The following DMD variants were observed in gnomAD, a reference collection of about 807,000 sequenced individuals.
DMD encodes mutant dystrophin.
DMD carries 63 observed loss-of-function variants against 330.1 expected under a neutral mutation model. That is an observed-to-expected ratio of 0.19 (90% CI 0.16 to 0.24). The LOEUF (loss-of-function observed/expected upper bound fraction) is 0.24, where lower values mean the gene tolerates loss of function less well. Among genes scored for constraint, DMD ranks in the 10% least tolerant of loss-of-function variants. The pLI is 1.00. For synonymous variants in DMD, 1,223 were observed against 959.8 expected (o/e 1.27, Z -5.07); for missense variants, 3,344 against 2,684.1 (o/e 1.25, Z -5.43).
intron 44 of DMD, among the ~76,000 whole-genome samples, chrX:32,062,624 G>A (rs1305313758): frequency 9.0e-6 from 1 of 110,967 alleles, no homozygotes; most frequent in African/African-American, 3.3e-5. Flanking sequence ...TGTTACTTTT[G>A]TATATCGGGA....
intron 3 of DMD, among the ~76,000 whole-genome samples, chrX:32,847,029 A>G (rs1181746880): frequency 9.0e-6 from 1 of 111,291 alleles, no homozygotes; most frequent in Non-Finnish European, 1.9e-5. Flanking sequence ...TACATGAAAG[A>G]AAAACAGCAA....
chrX:32,998,227 C>T (rs1278930232), intron 2 of DMD, among the ~76,000 whole-genome samples: 1 of 107,818 alleles, frequency 9.3e-6, no homozygotes, highest in Non-Finnish European at 1.9e-5. Context: ...TAAATTAGCC[C>T]GGCATGGTGG....
At chrX:33,035,891 G>C (rs1433331706) in intron 1 of DMD, among the ~76,000 whole-genome samples, 1 of 111,730 alleles carries the variant, frequency 9.0e-6, no homozygotes, top group East Asian at 2.8e-4. Context: ...ACCAGTAACC[G>C]CTAAAAGAGG....
chrX:31,600,857 G>A (rs960194631), intron 55 of DMD, among the ~76,000 whole-genome samples: 2 of 105,843 alleles, frequency 1.9e-5, no homozygotes, highest in Admixed American at 1.0e-4. Context: ...CCCCAACAAC[G>A]GCTTCAGGTC....
At chrX:31,182,515 G>C (rs1343099865) in intron 68 of DMD, among the ~76,000 whole-genome samples, 1 of 111,405 alleles carries the variant, frequency 9.0e-6, no homozygotes, top group Non-Finnish European at 1.9e-5. Context: ...GAGCTGAAGA[G>C]TGAAGGTGGT....
chrX:32,003,120 T>A (rs981269598), intron 44 of DMD, among the ~76,000 whole-genome samples: 3 of 111,112 alleles, frequency 2.7e-5, no homozygotes, highest in African/African-American at 6.5e-5. Flanking sequence ...CCCCAAGAGG[T>A]TCTTGATTTA....
rs898232370 is a variant in DMD, at chrX:32,389,903, T to G, written c.4344+168A>C. ...AAATAAAAGGTAATTTATTAACCTA[T>G]TTTATCTTTAAAATGTAGAGAGCAA... On this transcript the variant is annotated intron_variant, in intron 31 of 78. Transcript: ENST00000357033. Among the ~76,000 whole-genome samples the G allele has an allele frequency of 2.7e-5, 3 of 112,182 alleles. No individual in the cohort carries two copies. In the Admixed American group the frequency reaches 2.8e-4, roughly 11 times the overall value.
chrX:32,737,904 A>G (rs1298244042), intron 7 of DMD, among the ~76,000 whole-genome samples: 1 of 112,156 alleles, frequency 8.9e-6, no homozygotes, highest in Non-Finnish European at 1.9e-5. Flanking sequence ...TAAACTTATA[A>G]CTGACAAAAA....
intron 30 of DMD, among the ~76,000 whole-genome samples, chrX:32,402,243 G>C (rs1227650664): frequency 1.8e-5 from 2 of 111,130 alleles, no homozygotes; most frequent in Non-Finnish European, 3.8e-5. Flanking sequence ...CAAAATAATG[G>C]AGTGAAAAAG....
intron 19 of DMD, 88 bp downstream of exon 19, chrX:32,501,667 C>T (rs2044065970): frequency 1.5e-6 from 1 of 667,697 alleles, no homozygotes. Flanking sequence ...TTAACAAGTG[C>T]TTGTCTGATA....
chrX:32,813,624 A>G (rs1043404204), intron 6 of DMD, among the ~76,000 whole-genome samples: 32 of 111,756 alleles, frequency 2.9e-4, no homozygotes, highest in African/African-American at 1.0e-3. Flanking sequence ...ATATAAGAAG[A>G]GTGATGTATT....
intron 42 of DMD, among the ~76,000 whole-genome samples, chrX:32,294,423 G>A (rs1339030496): frequency 3.6e-5 from 4 of 111,778 alleles, no homozygotes; most frequent in African/African-American, 1.3e-4. Context: ...GTATGCGTGT[G>A]TTTGTGCGTA....
At chrX:31,177,207 T>C (rs1279489359) in intron 71 of DMD, among the ~76,000 whole-genome samples, 1 of 111,556 alleles carries the variant, frequency 9.0e-6, no homozygotes, top group African/African-American at 3.2e-5. Flanking sequence ...TTATAAACTC[T>C]GAGATAAATC....
At chrX:32,289,432 G>A (rs769325956) in intron 42 of DMD, among the ~76,000 whole-genome samples, 2 of 110,808 alleles carry the variant, frequency 1.8e-5, no homozygotes, top group East Asian at 2.9e-4. Context: ...AGAGGCGTTC[G>A]AACTAGAACA....
chrX:32,446,380 A>G (rs768917389), intron 27 of DMD, among the ~76,000 whole-genome samples: 78 of 110,278 alleles, frequency 7.1e-4, no homozygotes, highest in Non-Finnish European at 1.3e-3. Context: ...AAAAATTTCA[A>G]AAGACAAATA....
At chrX:32,289,022 A>G (rs1348226821) in intron 42 of DMD, among the ~76,000 whole-genome samples, 1 of 111,924 alleles carries the variant, frequency 8.9e-6, no homozygotes, top group Non-Finnish European at 1.9e-5. Flanking sequence ...CTTTGGTTCC[A>G]ACAGCTGCCC....
At chrX:32,515,725 T>A (rs1397485934) in intron 18 of DMD, among the ~76,000 whole-genome samples, 1 of 111,489 alleles carries the variant, frequency 9.0e-6, no homozygotes, top group East Asian at 2.8e-4. Flanking sequence ...TCTCGAGCCT[T>A]TATGTGCATA....
At chrX:32,447,544 T>C (rs2098310666) in intron 27 of DMD, among the ~76,000 whole-genome samples, 2 of 111,665 alleles carry the variant, frequency 1.8e-5, no homozygotes, top group South Asian at 7.3e-4. Flanking sequence ...AAGGTGTACT[T>C]TATTATTGAT....
intron 37 of DMD, among the ~76,000 whole-genome samples, chrX:32,350,162 C>A (rs753065029): frequency 2.7e-5 from 3 of 111,356 alleles, no homozygotes; most frequent in Non-Finnish European, 3.8e-5. Context: ...GGTCTATTTA[C>A]AGTCAGATTT....
Sources: allele counts gnomAD v4.1 joint callset (sites outside exome capture counted in the v4.1 genomes callset), GRCh38; gene constraint gnomAD v4.1.1; transcripts MANE v1.5; gene names NCBI Gene and HGNC (gene_info 2026-07-23, HGNC 2026-07-21).